MYOCD: variants seen among roughly 807,000 people sequenced by gnomAD.
MYOCD encodes myocardin.
MYOCD carries 32 observed loss-of-function variants against 96.1 expected under a neutral mutation model. The observed-to-expected ratio is 0.33, with a 90% CI of 0.25 to 0.45. MYOCD has a LOEUF of 0.45. MYOCD is among the 20% of genes least tolerant of loss of function. MYOCD has a pLI of 1.00. For missense variants in MYOCD, 1,133 were observed against 1,200.6 expected, an observed-to-expected ratio of 0.94 and a Z score of 0.83; for synonymous variants, 469 against 469.0, an observed-to-expected ratio of 1.00 and a Z score of 0.00.
intron 5 of MYOCD, among the ~76,000 whole-genome samples, chr17:12,735,778 C>T (rs2032322035): frequency 6.6e-6 from 1 of 152,110 alleles, no homozygotes; most frequent in South Asian, 2.1e-4. Context: ...TCGTAAAACC[C>T]GAGGGACACG....
At chr17:12,736,376 A>G (rs2032346292) in intron 6 of MYOCD, 40 bp downstream of exon 6, 1 of 1,595,106 alleles carries the variant, frequency 6.3e-7, no homozygotes, top group Non-Finnish European at 8.6e-7. Flanking sequence ...GTAAAACAGC[A>G]TCTCAGTGTA....
intron 5 of MYOCD, among the ~76,000 whole-genome samples, chr17:12,727,285 G>C (rs868748473): frequency 1.3e-5 from 2 of 152,148 alleles, no homozygotes; most frequent in Non-Finnish European, 2.9e-5. Flanking sequence ...ACTCATCTAC[G>C]CATCAGCCTC....
chr17:12,760,594 C>G (rs2033141875), intron 12 of MYOCD, 56 bp from the exon 13 acceptor site: 2 of 1,428,226 alleles, frequency 1.4e-6, no homozygotes, highest in African/African-American at 2.8e-5. Context: ...TAATGATTTC[C>G]TACGGAGATA....
intron 3 of MYOCD, among the ~76,000 whole-genome samples, chr17:12,716,297 A>G (rs1242029714): frequency 2.6e-5 from 4 of 152,170 alleles, no homozygotes; most frequent in Non-Finnish European, 5.9e-5. Flanking sequence ...TGTGATTCCT[A>G]CTACCTGGAG....
At chr17:12,757,703 AG>A (rs924532364) in intron 11 of MYOCD, among the ~76,000 whole-genome samples, 6 of 152,124 alleles carry the variant, frequency 3.9e-5, no homozygotes, top group African/African-American at 7.2e-5. Context: ...CATGTTGGCC[AG>A]GCTGCTCTCG....
intron 1 of MYOCD, among the ~76,000 whole-genome samples, chr17:12,682,836 C>T (rs974561529): frequency 6.6e-6 from 1 of 152,194 alleles, no homozygotes; most frequent in Non-Finnish European, 1.5e-5. Flanking sequence ...CAAAGCTTTA[C>T]CTGGTTGTGC....
intron 6 of MYOCD, among the ~76,000 whole-genome samples, chr17:12,736,853 C>G (rs764060289): frequency 5.9e-5 from 9 of 152,222 alleles, no homozygotes; most frequent in Non-Finnish European, 4.4e-5. Flanking sequence ...CAGCAAAATT[C>G]AGCCCCAACC....
intron 1 of MYOCD, among the ~76,000 whole-genome samples, chr17:12,680,659 A>T (rs919072560): frequency 2.6e-5 from 4 of 152,246 alleles, no homozygotes; most frequent in Non-Finnish European, 4.4e-5. Flanking sequence ...CAGAATACAT[A>T]AACAAGTGGG....
chr17:12,678,756 C>T (rs769118432), intron 1 of MYOCD, among the ~76,000 whole-genome samples: 3 of 152,136 alleles, frequency 2.0e-5, no homozygotes, highest in Non-Finnish European at 2.9e-5. Context: ...AGTGCAGTGG[C>T]GCGATCTCGG....
rs796898148 is a variant in MYOCD, at chr17:12,714,852, T to C, written c.122-667T>C. On this transcript the variant is annotated intron_variant, in intron 2 of 13. Transcript: ENST00000425538. ...ATCACATCTTGAAAGAGGTTAGAGT[T>C]GTCACAGGACCTATGCTCCTAGCCC... 2.2e-4 allele frequency among the ~76,000 whole-genome samples: 34 copies of C among 152,256 alleles called. 1 individual carries two copies. The highest frequency in any genetic ancestry group is 7.7e-4 in the African/African-American group (32 of 41,554).
chr17:12,744,035 A>T, intron 7 of MYOCD, 148 bp from the exon 8 acceptor site: 6 of 892,058 alleles, frequency 6.7e-6, no homozygotes, highest in Non-Finnish European at 1.0e-5. Context: ...GTGTCCTAGG[A>T]GCTCTTTGTA....
At chr17:12,725,756 C>T (rs891547247) in intron 5 of MYOCD, among the ~76,000 whole-genome samples, 2 of 151,502 alleles carry the variant, frequency 1.3e-5, no homozygotes, top group African/African-American at 4.8e-5. Context: ...TTTTGTTTCT[C>T]TCTTAAATCG....
intron 12 of MYOCD, among the ~76,000 whole-genome samples, chr17:12,759,483 T>A (rs944405134): frequency 6.6e-5 from 10 of 152,222 alleles, no homozygotes; most frequent in Admixed American, 6.5e-4. Context: ...AAATGACTCA[T>A]TTTTTGGTCA....
chr17:12,727,846 C>G (rs1335661629), intron 5 of MYOCD, among the ~76,000 whole-genome samples: 2 of 152,240 alleles, frequency 1.3e-5, no homozygotes, highest in South Asian at 4.1e-4. Context: ...CGTCTCTTCC[C>G]CTCTCCTCTT....
chr17:12,751,431 T>G (rs982887157), intron 9 of MYOCD, among the ~76,000 whole-genome samples: 14 of 152,296 alleles, frequency 9.2e-5, no homozygotes, highest in African/African-American at 3.4e-4. Flanking sequence ...ATCTGTAGTG[T>G]CCCATCATTT....
chr17:12,731,171 G>A (rs956779268), intron 5 of MYOCD, among the ~76,000 whole-genome samples: 2 of 152,200 alleles, frequency 1.3e-5, no homozygotes, highest in African/African-American at 4.8e-5. Context: ...CTCATGCTGG[G>A]GAAGATTGGA....
intron 2 of MYOCD, among the ~76,000 whole-genome samples, chr17:12,708,894 A>G (rs1373919445): frequency 6.6e-6 from 1 of 152,176 alleles, no homozygotes; most frequent in Non-Finnish European, 1.5e-5. Flanking sequence ...CTTGGCCTTT[A>G]AAACCACTTA....
intron 1 of MYOCD, among the ~76,000 whole-genome samples, chr17:12,685,665 A>C (rs565246119): frequency 9.9e-5 from 15 of 152,282 alleles, no homozygotes; most frequent in African/African-American, 3.4e-4. Context: ...CTTAACCATA[A>C]ATTTCTCACT....
At chr17:12,681,198 G>A (rs1910442155) in intron 1 of MYOCD, among the ~76,000 whole-genome samples, 1 of 152,172 alleles carries the variant, frequency 6.6e-6, no homozygotes, top group Non-Finnish European at 1.5e-5. Context: ...GAGCTGGCTT[G>A]AGCCATCTGA....
Sources: allele counts gnomAD v4.1 joint callset (sites outside exome capture counted in the v4.1 genomes callset), GRCh38; gene constraint gnomAD v4.1.1; transcripts MANE v1.5; gene names NCBI Gene and HGNC (gene_info 2026-07-23, HGNC 2026-07-21).